The following PRKCB variants were observed in gnomAD, a reference collection of about 807,000 sequenced individuals.
The protein encoded by PRKCB is protein kinase C beta type.
A neutral mutation model predicts 81.5 loss-of-function variants in PRKCB; 13 were observed. The ratio of observed to expected loss-of-function variants is 0.16; its 90% CI spans 0.10 to 0.25. The LOEUF (loss-of-function observed/expected upper bound fraction) is 0.25. Among genes scored for constraint, PRKCB ranks in the 10% least tolerant of loss-of-function variants. The probability of loss-of-function intolerance (pLI) is 1.00; values close to 1 mark genes in which losing one functional copy is unlikely to be tolerated. For synonymous variants in PRKCB, 335 were observed against 321.4 expected (o/e 1.04, Z -0.45); for missense variants, 509 against 875.7 (o/e 0.58, Z 5.29).
chr16:24,142,105 CTT>C (rs1214101435), intron 9 of PRKCB, among the ~76,000 whole-genome samples: 5 of 152,232 alleles, frequency 3.3e-5, no homozygotes, highest in African/African-American at 1.2e-4. Context: ...CATTATTCCC[CTT>C]TTATGGATTG....
At chr16:24,097,969 G>A (rs1388847598) in intron 7 of PRKCB, among the ~76,000 whole-genome samples, 1 of 152,158 alleles carries the variant, frequency 6.6e-6, no homozygotes, top group Non-Finnish European at 1.5e-5. Context: ...CAGACTTAAG[G>A]TCTGTGTTGA....
intron 2 of PRKCB, among the ~76,000 whole-genome samples, chr16:23,868,077 A>G (rs1034778909): frequency 2.0e-5 from 3 of 152,180 alleles, no homozygotes; most frequent in Non-Finnish European, 2.9e-5. Context: ...CACTGACCTC[A>G]GCCTTTTGCT....
chr16:24,165,905 T>C (rs1967338516), intron 10 of PRKCB, among the ~76,000 whole-genome samples: 1 of 146,056 alleles, frequency 6.8e-6, no homozygotes, highest in East Asian at 1.9e-4. Flanking sequence ...TTTTTTTTTT[T>C]TGACACAGGG....
intron 10 of PRKCB, among the ~76,000 whole-genome samples, chr16:24,158,214 T>C (rs1055336304): frequency 6.6e-6 from 1 of 152,218 alleles, no homozygotes; most frequent in African/African-American, 2.4e-5. Context: ...GCGCATATGC[T>C]CATTGAGTGA....
intron 2 of PRKCB, among the ~76,000 whole-genome samples, chr16:23,987,403 G>A (rs181664882): frequency 1.4e-5 from 2 of 138,930 alleles, no homozygotes; most frequent in African/African-American, 5.2e-5. Context: ...GGTTGGGGTG[G>A]GGGGGGGTGT....
chr16:24,186,778 C>T (rs945582196), intron 15 of PRKCB, among the ~76,000 whole-genome samples: 1 of 152,268 alleles, frequency 6.6e-6, no homozygotes, highest in Non-Finnish European at 1.5e-5. Flanking sequence ...CGCCTTGTCA[C>T]ACTGCCTAAA....
chr16:24,217,426 A>G lies in PRKCB; in HGVS notation c.*2610A>G. 1 of 985,448 alleles carries G rather than the reference A, an allele frequency of 1.0e-6. No homozygotes were observed. The highest frequency in any genetic ancestry group is 1.2e-6 in the Non-Finnish European group (1 of 829,930). 61.0% of individuals were successfully genotyped at this position (985,448 alleles called of 1,614,324 possible). On this transcript the variant is annotated 3_prime_UTR_variant, in exon 17 of 17. Coordinates refer to ENST00000643927, the MANE Select transcript of PRKCB (RefSeq NM_002738.7). ...CAACAAGGACCTTCTTGGGGGATTA[A>G]TGGGAGGTCAGTAGAATTAATAACC...
Position 24,132,771 on chromosome 16 carries a change from CTT to C in PRKCB, c.1065+8810_1065+8811del, listed in dbSNP as rs750021427. Among the ~76,000 whole-genome samples the C allele has an allele frequency of 7.9e-5, 8 of 100,950 alleles. No individual in the cohort carries two copies. In the South Asian group the frequency reaches 1.9e-3, roughly 23 times the overall value. The allele number at this position is 100,950 out of a possible 152,430, so 66.2% of individuals were successfully genotyped here. A position where few individuals can be genotyped will look rare whatever the true frequency, so the allele number is the denominator to read the frequency against. ...TGATTTAGATGTGTATGATTTGGGG[CTT>C]TTTTTTTTTTTTTTTTTTTCTTCTA... is the stretch of plus-strand genomic sequence containing the variant. On this transcript the variant is annotated intron_variant, in intron 9 of 16. Coordinates refer to ENST00000643927, the MANE Select transcript of PRKCB (RefSeq NM_002738.7).
chr16:24,123,970 A>C lies in PRKCB; in HGVS notation c.1054A>C (p.Ser352Arg). The C allele has an allele frequency of 6.2e-7, 1 of 1,614,188 alleles. No individual in the cohort carries two copies. The part of the protein sequence containing the change: ...FNFLMVLGKG[S>R]FGKVMLSERK... ...CTTCCTAATGGTGCTGGGGAAAGGC[A>C]GCTTTGGCAAGGTATGGTATGATTT... Residue 352 changes from serine (S) to arginine (R), a missense_variant, in exon 9 of 17, where the codon AGC becomes CGC. This residue lies in a region of PRKCB where 80 missense variants were observed against 89.4 expected (regional missense o/e 0.90). Transcript: ENST00000643927.
At chr16:24,192,748 G>C (rs1967813159) in intron 16 of PRKCB, among the ~76,000 whole-genome samples, 1 of 152,150 alleles carries the variant, frequency 6.6e-6, no homozygotes. Context: ...GACATCTCCT[G>C]AGCACTTTAG....
At chr16:23,904,319 T>C (rs1364030811) in intron 2 of PRKCB, among the ~76,000 whole-genome samples, 1 of 152,192 alleles carries the variant, frequency 6.6e-6, no homozygotes, top group Non-Finnish European at 1.5e-5. Flanking sequence ...GATAATAGCA[T>C]CTATCTCTTG....
intron 2 of PRKCB, among the ~76,000 whole-genome samples, chr16:23,981,160 A>T (rs569381919): frequency 6.6e-6 from 1 of 152,256 alleles, no homozygotes; most frequent in African/African-American, 2.4e-5. Flanking sequence ...CGGGGCTGAA[A>T]TCGAGGTGTC....
chr16:23,977,923 CTCAT>C (rs753963144), intron 2 of PRKCB, among the ~76,000 whole-genome samples: 8 of 152,102 alleles, frequency 5.3e-5, no homozygotes, highest in Non-Finnish European at 1.0e-4. Flanking sequence ...ACCAGAAGAG[CTCAT>C]TCATTCATTC....
At chr16:24,055,747 A>G (rs1265431250) in intron 5 of PRKCB, among the ~76,000 whole-genome samples, 1 of 152,222 alleles carries the variant, frequency 6.6e-6, no homozygotes, top group Non-Finnish European at 1.5e-5. Flanking sequence ...CAGCAGTCCC[A>G]AAGGATGTTC....
At chr16:24,170,654 A>G (rs1015898571) in intron 10 of PRKCB, among the ~76,000 whole-genome samples, 1 of 152,220 alleles carries the variant, frequency 6.6e-6, no homozygotes, top group Non-Finnish European at 1.5e-5. Flanking sequence ...CATCTGACTT[A>G]TTTAATTCCA....
intron 15 of PRKCB, 102 bp from the exon 16 acceptor site, chr16:24,190,988 A>G: frequency 2.9e-6 from 4 of 1,374,630 alleles, no homozygotes; most frequent in Non-Finnish European, 3.0e-6. Context: ...GAGATTCTTC[A>G]TTTGCGCTTT....
intron 2 of PRKCB, among the ~76,000 whole-genome samples, chr16:23,868,260 G>C (rs1167725530): frequency 6.6e-6 from 1 of 152,194 alleles, no homozygotes; most frequent in Non-Finnish European, 1.5e-5. Flanking sequence ...GATTTCCAGG[G>C]AGCAGTGCAC....
intron 2 of PRKCB, among the ~76,000 whole-genome samples, chr16:23,930,830 G>A (rs931521890): frequency 3.3e-5 from 5 of 152,154 alleles, no homozygotes; most frequent in African/African-American, 9.7e-5. Flanking sequence ...CTGTTGGGTA[G>A]CACTCAGTTC....
At chr16:24,146,310 T>A (rs1966988363) in intron 9 of PRKCB, among the ~76,000 whole-genome samples, 1 of 152,220 alleles carries the variant, frequency 6.6e-6, no homozygotes, top group Non-Finnish European at 1.5e-5. Context: ...GCTAGGAAAC[T>A]AGTAGAACCA....
Sources: gnomAD v4.1 joint callset for allele counts (sites outside exome capture counted in the v4.1 genomes callset) on GRCh38, gnomAD v4.1.1 for gene constraint, gnomAD v4.1.1 regional missense constraint, MANE v1.5 for transcripts, NCBI Gene and HGNC (gene_info 2026-07-23, HGNC 2026-07-21) for gene names.